Variants in ZFP1 observed in about 807,000 individuals in gnomAD.
ZFP1 encodes the protein ZFP1 zinc finger protein.
A neutral mutation model predicts 38.5 loss-of-function variants in ZFP1; 32 were observed. The observed-to-expected ratio is 0.83, with a 90% CI of 0.63 to 1.12. ZFP1 has a LOEUF of 1.12. Ranked by LOEUF, ZFP1 falls within the 50% of genes most tolerant of loss-of-function variation. ZFP1 has a pLI of 0.00. For synonymous variants in ZFP1, 245 were observed against 168.8 expected, an observed-to-expected ratio of 1.45 and a Z score of -3.50; for missense variants, 616 against 480.8, an observed-to-expected ratio of 1.28 and a Z score of -2.63.
At chr16:75,169,220 C>G in intron 3 of ZFP1, 33 bp from the exon 4 acceptor site, 1 of 1,564,438 alleles carries the variant, frequency 6.4e-7, no homozygotes, top group Non-Finnish European at 8.6e-7. Flanking sequence ...GAGGCATTGA[C>G]AAGGTTCTTT....
upstream of ZFP1, among the ~76,000 whole-genome samples, chr16:75,143,739 C>G (rs2036912467): frequency 6.9e-6 from 1 of 145,560 alleles, no homozygotes; most frequent in Admixed American, 7.2e-5. Context: ...GCAGCGTCAA[C>G]CTCCTGGGCT....
chr16:75,123,560 G>A, the ZFP1 span, among the ~76,000 whole-genome samples: 3 of 146,938 alleles, frequency 2.0e-5, no homozygotes, highest in African/African-American at 5.0e-5. Context: ...AGGCTGGAGT[G>A]CAGTGGTGCA....
the ZFP1 span, among the ~76,000 whole-genome samples, chr16:75,124,161 T>C: frequency 2.6e-5 from 4 of 151,552 alleles, no homozygotes; most frequent in Non-Finnish European, 5.9e-5. Flanking sequence ...TTTTGTCTAA[T>C]TGAAAGTTTT....
chr16:75,132,944 C>G, the ZFP1 span, among the ~76,000 whole-genome samples: 1 of 151,138 alleles, frequency 6.6e-6, no homozygotes, highest in African/African-American at 2.4e-5. Context: ...CAGGCATGAG[C>G]CACCACGCCC....
intron 1 of ZFP1, chr16:75,148,937 C>G (rs531362154): frequency 6.6e-6 from 1 of 152,098 alleles, no homozygotes; most frequent in South Asian, 2.1e-4. Flanking sequence ...GGGCTCGGGC[C>G]GCGCGGGAGC....
the ZFP1 span, among the ~76,000 whole-genome samples, chr16:75,139,383 A>ACAACAAC: frequency 3.5e-4 from 52 of 148,130 alleles, no homozygotes; most frequent in Admixed American, 1.1e-3. Context: ...AAAAAAAAAA[A>ACAACAAC]AAAAAAAAAA....
At chr16:75,168,644 G>C (rs1277075269) in intron 3 of ZFP1, among the ~76,000 whole-genome samples, 3 of 152,060 alleles carry the variant, frequency 2.0e-5, no homozygotes, top group Non-Finnish European at 2.9e-5. Flanking sequence ...CCATTTGCAA[G>C]ATTCTCACTT....
chr16:75,151,809 TTGTC>T (rs1298263499), intron 1 of ZFP1, among the ~76,000 whole-genome samples: 1 of 152,236 alleles, frequency 6.6e-6, no homozygotes, highest in African/African-American at 2.4e-5. Flanking sequence ...ATTCAGGTTT[TTGTC>T]TGATATCATA....
chr16:75,150,083 C>A (rs906641813), intron 1 of ZFP1, among the ~76,000 whole-genome samples: 2 of 152,112 alleles, frequency 1.3e-5, no homozygotes, highest in African/African-American at 2.4e-5. Context: ...CTGCACCCAG[C>A]CTTTTTATTG....
At chr16:75,143,775 C>T (rs2036912999), upstream of ZFP1, among the ~76,000 whole-genome samples, 1 of 149,966 alleles carries the variant, frequency 6.7e-6, no homozygotes, top group Non-Finnish European at 1.5e-5. Flanking sequence ...CCTCAGCTTC[C>T]AGAGTAGCTG....
chr16:75,169,991 G>T lies in ZFP1; in HGVS notation c.881G>T (p.Arg294Leu). ...TTHQRIHTGE[R>L]PYECNECAKT... The stretch of plus-strand genomic sequence containing the variant: ...CACCAGAGAATTCATACAGGAGAGC[G>T]ACCCTATGAGTGTAACGAATGTGCA... Residue 294 changes from arginine (R) to leucine (L), a missense_variant, in exon 4 of 4, where the codon CGA becomes CTA. Arg to Leu is a moderately radical substitution (Grantham distance 102, BLOSUM62 -2). Coordinates refer to ENST00000570010, the MANE Select transcript of ZFP1 (RefSeq NM_153688.4). 2 of 1,613,972 alleles carry T rather than the reference G, an allele frequency of 1.2e-6. No individual in the cohort carries two copies. The highest frequency in any genetic ancestry group is 1.7e-6 in the Non-Finnish European group (2 of 1,180,016).
At chr16:75,133,134 C>T in the ZFP1 span, among the ~76,000 whole-genome samples, 2 of 151,586 alleles carry the variant, frequency 1.3e-5, no homozygotes, top group Admixed American at 1.3e-4. Context: ...CATGCCACCA[C>T]GCCCAGCTAA....
chr16:75,128,476 A>G, the ZFP1 span, among the ~76,000 whole-genome samples: 1 of 152,248 alleles, frequency 6.6e-6, no homozygotes, highest in Admixed American at 6.5e-5. Context: ...TAAAAATAGG[A>G]AACTAGAGAG....
the ZFP1 span, among the ~76,000 whole-genome samples, chr16:75,140,709 C>T: frequency 3.5e-4 from 53 of 152,300 alleles, no homozygotes; most frequent in Admixed American, 1.1e-3. Flanking sequence ...CCTGTAATCC[C>T]AGCACTTTGG....
the ZFP1 span, among the ~76,000 whole-genome samples, chr16:75,120,544 A>G: frequency 4.8e-5 from 7 of 145,880 alleles, no homozygotes; most frequent in African/African-American, 1.6e-4. Context: ...TTTTTTGACT[A>G]AAATAGTTAT....
At chr16:75,154,210 C>T (rs970366310) in intron 2 of ZFP1, among the ~76,000 whole-genome samples, 4 of 117,018 alleles carry the variant, frequency 3.4e-5, no homozygotes, top group South Asian at 3.2e-4. Context: ...GGCAACAGAG[C>T]GAGACTTTGT....
the ZFP1 span, among the ~76,000 whole-genome samples, chr16:75,125,033 G>C: frequency 6.6e-6 from 1 of 151,898 alleles, no homozygotes; most frequent in East Asian, 1.9e-4. Context: ...AGGCCGAGGT[G>C]GGTGGATCAA....
At chr16:75,150,046 A>T (rs2037110461) in intron 1 of ZFP1, among the ~76,000 whole-genome samples, 1 of 151,964 alleles carries the variant, frequency 6.6e-6, no homozygotes, top group African/African-American at 2.4e-5. Flanking sequence ...TGGCTTCCCA[A>T]AGTGCTGGGA....
chr16:75,166,650 A>AACAAGATGTATCGT lies in ZFP1; in HGVS notation c.16-119_16-106dup. The AACAAGATGTATCGT allele has an allele frequency of 1.5e-5, 23 of 1,549,724 alleles. 1 individual carries two copies. The South Asian group carries it at 2.9e-4, about 19-fold the overall frequency. ...TTGGAAGACATGAACAAAAACAGTG[A>AACAAGATGTATCGT]ACAAGATGTATCGTTGGTGTAATAT... is the stretch of plus-strand genomic sequence containing the variant. On this transcript the variant is annotated intron_variant, in intron 2 of 3. Coordinates refer to ENST00000570010, the MANE Select transcript of ZFP1 (RefSeq NM_153688.4).
Sources: gnomAD v4.1 joint callset for allele counts (sites outside exome capture counted in the v4.1 genomes callset) on GRCh38, gnomAD v4.1.1 for gene constraint, MANE v1.5 for transcripts, NCBI Gene and HGNC (gene_info 2026-07-23, HGNC 2026-07-21) for gene names.